UTRN: variants seen among roughly 807,000 people sequenced by gnomAD.
UTRN encodes dystrophin-related protein 1.
UTRN carries 283 observed loss-of-function variants against 463.9 expected under a neutral mutation model. That is an observed-to-expected ratio of 0.61 (90% CI 0.55 to 0.67). The LOEUF is 0.67. UTRN is among the 30% of genes least tolerant of loss of function. UTRN has a pLI of 0.00. For missense variants in UTRN, 3,922 were observed against 4,084.3 expected, an observed-to-expected ratio of 0.96 and a Z score of 1.08; for synonymous variants, 1,442 against 1,431.5, an observed-to-expected ratio of 1.01 and a Z score of -0.17.
chr6:144,627,798 T>G (rs949602206), intron 51 of UTRN, among the ~76,000 whole-genome samples: 11 of 51,422 alleles, frequency 2.1e-4, no homozygotes, highest in African/African-American at 5.4e-4. Context: ...CCTTCTGTGT[T>G]TTTTTTTTTT....
intron 33 of UTRN, among the ~76,000 whole-genome samples, chr6:144,495,418 G>C (rs894036705): frequency 6.6e-6 from 1 of 152,250 alleles, no homozygotes. Context: ...GCCTGGGGCC[G>C]GCAGGGCCAG....
At chr6:144,456,655 A>ATAATAC (rs1392623705) in intron 19 of UTRN, among the ~76,000 whole-genome samples, 1 of 73,556 alleles carries the variant, frequency 1.4e-5, no homozygotes, top group East Asian at 2.6e-4. Context: ...CTGTCTCAAA[A>ATAATAC]TAATAATAAT....
intron 2 of UTRN, among the ~76,000 whole-genome samples, chr6:144,369,148 C>T (rs1779768146): frequency 6.6e-6 from 1 of 152,232 alleles, no homozygotes; most frequent in Admixed American, 6.5e-5. Flanking sequence ...TGGGAAGTCA[C>T]TAAAACTTAC....
At chr6:144,776,792 G>A (rs78209317) in intron 60 of UTRN, among the ~76,000 whole-genome samples, 5,458 of 152,156 alleles carry the variant, frequency 0.036, 285 homozygotes, top group African/African-American at 0.11. Flanking sequence ...AGTTTTTGCC[G>A]TTAAAAGTAA....
rs1234008097 is a variant in UTRN, at chr6:144,537,626, T to C, written c.6278T>C (p.Leu2093Pro). The stretch of plus-strand genomic sequence containing the variant: ...CAGGTGATGAAGTACAGGCATCAGC[T>C]AGATGAGATTATCTGTTGGTTAACA... ...SKQVMKYRHQ[L>P]DEIICWLTKA... is the part of the protein sequence containing the mutation. Residue 2093 changes from leucine to proline, a missense_variant, in exon 44 of 75, where the codon CTA becomes CCA. This residue lies in a region of UTRN where 2,349 missense variants were observed against 2,303.8 expected (regional missense o/e 1.02). Transcript: ENST00000367545. 1.2e-6 allele frequency: 2 copies of C among 1,612,138 alleles called. No individual in the cohort carries two copies. The highest frequency in any genetic ancestry group is 1.7e-6 in the Non-Finnish European group (2 of 1,179,328).
chr6:144,772,016 GTTTTTTTTTTTTTTTTTTTTTTTTT>G, intron 59 of UTRN, 48 bp downstream of exon 59: 3 of 126,328 alleles, frequency 2.4e-5, no homozygotes, highest in East Asian at 1.3e-4. Flanking sequence ...CTGAGAACCG[GTTTTTTTTTTTTTTTTTTTTTTTTT>G]TTTTTTTTTT....
chr6:144,420,188 A>G (rs1384544289), intron 3 of UTRN, among the ~76,000 whole-genome samples: 1 of 152,226 alleles, frequency 6.6e-6, no homozygotes, highest in Non-Finnish European at 1.5e-5. Flanking sequence ...TGGTTAAAAA[A>G]TATCTATTAT....
chr6:144,756,105 G>A (rs1791961262), intron 57 of UTRN, among the ~76,000 whole-genome samples: 2 of 152,068 alleles, frequency 1.3e-5, no homozygotes, highest in African/African-American at 4.8e-5. Context: ...CATTTTTAAA[G>A]TCCAGATACC....
intron 51 of UTRN, among the ~76,000 whole-genome samples, chr6:144,601,207 A>G (rs1464008156): frequency 6.6e-6 from 1 of 152,162 alleles, no homozygotes; most frequent in Non-Finnish European, 1.5e-5. Context: ...TCGAGATGAT[A>G]TTTTGATTTT....
rs183938092 is a variant in UTRN, at chr6:144,369,378, G to C, written c.80-33745G>C. Reference sequence around the variant, plus strand: ...TCACGCCTGTAATCCCAGCACTTTGGGAGGCTGAAGTGGGCAGATCACGAG... The same window carrying C: ...TCACGCCTGTAATCCCAGCACTTTGCGAGGCTGAAGTGGGCAGATCACGAG... On this transcript the variant is annotated intron_variant, in intron 2 of 74. Coordinates refer to ENST00000367545, the MANE Select transcript of UTRN (RefSeq NM_007124.3). 9.4e-3 allele frequency among the ~76,000 whole-genome samples: 1,432 copies of C among 152,302 alleles called. 12 individuals are homozygous for C. The highest frequency in any genetic ancestry group is 0.017 in the Middle Eastern group (5 of 294).
intron 50 of UTRN, among the ~76,000 whole-genome samples, chr6:144,562,759 A>T (rs1800053178): frequency 6.6e-6 from 1 of 152,136 alleles, no homozygotes. Flanking sequence ...TTCTGTTGTT[A>T]GGTCTTTGAG....
intron 64 of UTRN, among the ~76,000 whole-genome samples, chr6:144,798,762 G>A (rs1777453242): frequency 6.6e-6 from 1 of 152,154 alleles, no homozygotes; most frequent in East Asian, 1.9e-4. Context: ...TATTTTTTGA[G>A]ACCAAGTCCC....
In UTRN at chr6:144,516,024, T is replaced by C. The variant is rs544801853; in HGVS notation, c.5245-205T>C. Among the ~76,000 whole-genome samples, 26 of 152,342 alleles carry C rather than the reference T, an allele frequency of 1.7e-4. No individual in the cohort carries two copies. In the East Asian group the frequency reaches 4.0e-3, roughly 24 times the overall value. ...TGCAATACTACGTCACATCCCTGGC[T>C]AGAGTTTGGAGAAAACGGGTCATTC... is the stretch of plus-strand genomic sequence containing the variant. On this transcript the variant is annotated intron_variant, in intron 37 of 74. Transcript: ENST00000367545.
At chr6:144,521,007 C>T (rs945935561) in intron 39 of UTRN, among the ~76,000 whole-genome samples, 5 of 152,088 alleles carry the variant, frequency 3.3e-5, no homozygotes, top group South Asian at 2.1e-4. Flanking sequence ...AGAAGAGGGC[C>T]GGGCATGGTG....
At chr6:144,748,639 C>T in intron 55 of UTRN, 125 bp downstream of exon 55, 1 of 1,292,494 alleles carries the variant, frequency 7.7e-7, no homozygotes, top group East Asian at 2.5e-5. Context: ...CGCTGCAACC[C>T]CACCCATCAG....
chr6:144,791,984 A>G (rs897806357), intron 62 of UTRN, among the ~76,000 whole-genome samples: 3 of 152,224 alleles, frequency 2.0e-5, no homozygotes, highest in Non-Finnish European at 4.4e-5. Context: ...GGTTTAAAAT[A>G]AACATCATGC....
chr6:144,651,249 A>G (rs1319791579), intron 51 of UTRN, among the ~76,000 whole-genome samples: 6 of 152,160 alleles, frequency 3.9e-5, no homozygotes, highest in Non-Finnish European at 4.4e-5. Context: ...TTTCTGGTAT[A>G]CATATAATAA....
intron 45 of UTRN, 26 bp from the exon 46 acceptor site, chr6:144,542,769 T>C: frequency 6.2e-7 from 1 of 1,604,590 alleles, no homozygotes; most frequent in Non-Finnish European, 8.5e-7. Flanking sequence ...AGTATTCTTC[T>C]CTTTCTGTTT....
At chr6:144,425,777 A>G (rs370701371) in intron 6 of UTRN, among the ~76,000 whole-genome samples, 1 of 152,174 alleles carries the variant, frequency 6.6e-6, no homozygotes, top group African/African-American at 2.4e-5. Flanking sequence ...AGATAGATCT[A>G]TGTCATTCTT....
Sources: gnomAD v4.1 joint callset for allele counts (sites outside exome capture counted in the v4.1 genomes callset) on GRCh38, gnomAD v4.1.1 for gene constraint, gnomAD v4.1.1 regional missense constraint, MANE v1.5 for transcripts, NCBI Gene and HGNC (gene_info 2026-07-23, HGNC 2026-07-21) for gene names.